LCN15: variants seen among roughly 807,000 people sequenced by gnomAD.
The protein encoded by LCN15 is lipocalin-15.
LCN15 carries 26 observed loss-of-function variants against 23.1 expected under a neutral mutation model. That is an observed-to-expected ratio of 1.13 (90% confidence interval 0.82 to 1.56). The LOEUF (loss-of-function observed/expected upper bound fraction) is 1.56, where lower values mean the gene tolerates loss of function less well. LCN15 is among the 40% of genes most tolerant of loss of function. The pLI is 0.00. For synonymous variants in LCN15, 107 were observed against 98.3 expected (o/e 1.09, Z -0.52); for missense variants, 241 against 239.5 (o/e 1.01, Z -0.04).
intron 4 of LCN15, 101 bp from the exon 5 acceptor site, chr9:136,762,390 G>A (rs532663629): frequency 5.2e-5 from 38 of 730,174 alleles, no homozygotes; most frequent in East Asian, 4.9e-4. Context: ...CAGCAAGGCC[G>A]CCACCCTGGG....
In LCN15 at chr9:136,763,680, A is replaced by G. The variant is rs371038549; in HGVS notation, c.307+33T>C. ...CGTCACCCCCAGAGAAGCGGCATCC[A>G]GCACCCCTGAAGGCAGAGGAGGCAG... On this transcript the variant is annotated intron_variant, in intron 3 of 6. Transcript: ENST00000316144. 41 of 1,608,154 alleles carry G rather than the reference A, an allele frequency of 2.5e-5. No individual in the cohort carries two copies. In the African/African-American group the frequency reaches 5.5e-4, roughly 21 times the overall value.
At chr9:136,760,376 G>A (rs980132192) in intron 6 of LCN15, among the ~76,000 whole-genome samples, 9 of 118,932 alleles carry the variant, frequency 7.6e-5, no homozygotes, top group Non-Finnish European at 1.8e-4. Flanking sequence ...CAGGCAGGAC[G>A]GCGAGTCTCC....
chr9:136,764,270 A>G (rs72772791), intron 1 of LCN15, 123 bp downstream of exon 1: 12,304 of 977,844 alleles, frequency 0.013, 119 homozygotes, highest in Non-Finnish European at 0.015. Flanking sequence ...GAGTGGGTCT[A>G]TAGCACGTGC....
rs1323901912 is a variant in LCN15 at position 136,763,470 on chromosome 9, G to A, written c.308-3C>T. ...GCGCACGTCCAGGTAGCCCAAGGCT[G>A]CGGAGAGGCAGGCGGCCTTTTCAGG... is the stretch of plus-strand genomic sequence containing the variant. On this transcript the variant is annotated splice_polypyrimidine_tract_variant and splice_region_variant and intron_variant, in intron 3 of 6. Coordinates refer to ENST00000316144, the MANE Select transcript of LCN15 (RefSeq NM_203347.2). 1.3e-6 allele frequency: 2 copies of A among 1,594,546 alleles called. No individual in the cohort carries two copies. The highest frequency in any genetic ancestry group is 2.7e-5 in the African/African-American group (2 of 74,466).
chr9:136,763,309 TG>T, intron 4 of LCN15, 47 bp downstream of exon 4: 1 of 839,596 alleles, frequency 1.2e-6, no homozygotes, highest in Non-Finnish European at 1.6e-6. Flanking sequence ...GCGGGGCCTG[TG>T]GGAAGTTGGG....
intron 1 of LCN15, 56 bp from the exon 2 acceptor site, chr9:136,764,065 G>T (rs554080603): frequency 2.5e-6 from 4 of 1,592,600 alleles, no homozygotes; most frequent in Admixed American, 3.4e-5. Context: ...GGCCCTCCTT[G>T]CCCAGGGACC....
At chr9:136,764,069 A>G (rs1438779901) in intron 1 of LCN15, 60 bp from the exon 2 acceptor site, 5 of 1,587,362 alleles carry the variant, frequency 3.1e-6, no homozygotes, top group East Asian at 2.2e-5. Context: ...CTCCTTGCCC[A>G]GGGACCCAGG....
At chr9:136,760,571 A>T (rs1474304395) in intron 6 of LCN15, among the ~76,000 whole-genome samples, 3 of 152,190 alleles carry the variant, frequency 2.0e-5, no homozygotes, top group Non-Finnish European at 1.5e-5. Context: ...CAGACACGTG[A>T]CGTGTGGCTG....
chr9:136,760,395 G>GA (rs1253228385), intron 6 of LCN15, among the ~76,000 whole-genome samples: 2 of 152,200 alleles, frequency 1.3e-5, no homozygotes, highest in Non-Finnish European at 2.9e-5. Context: ...CCAGGGAGAG[G>GA]GTCCTGGGAG....
At chr9:136,762,684 G>A (rs1030694922) in intron 4 of LCN15, among the ~76,000 whole-genome samples, 1 of 152,146 alleles carries the variant, frequency 6.6e-6, no homozygotes, top group Admixed American at 6.5e-5. Flanking sequence ...GACGGATCAC[G>A]AGGTCAGGAG....
intron 2 of LCN15, 26 bp downstream of exon 2, chr9:136,763,844 C>T: frequency 1.2e-6 from 2 of 1,613,256 alleles, no homozygotes; most frequent in East Asian, 2.2e-5. Flanking sequence ...CAGCCCAGCC[C>T]AGGCAGCCCA....
chr9:136,761,029 G>C lies in LCN15; in HGVS notation c.*32+758C>G, dbSNP rs545765054. On this transcript the variant is annotated intron_variant, in intron 6 of 6. Coordinates refer to ENST00000316144, the MANE Select transcript of LCN15 (RefSeq NM_203347.2). This position sits in a 1 kb window ranked among gnomAD's most constrained non-coding sequence, Gnocchi z 4.2. ...TCGCTTCGGCAGCACAGACACTAGG[G>C]GGCAGTTTGGACACAGATGCACAGA... Among the ~76,000 whole-genome samples the C allele has an allele frequency of 6.6e-6, 1 of 152,350 alleles. No homozygotes were observed. The highest frequency in any genetic ancestry group is 2.1e-4 in the South Asian group (1 of 4,826).
At chr9:136,764,154 A>C in intron 1 of LCN15, 145 bp from the exon 2 acceptor site, 8 of 1,030,888 alleles carry the variant, frequency 7.8e-6, no homozygotes, top group Non-Finnish European at 1.1e-5. Context: ...CCAGGTGGAC[A>C]GGAACTCATC....
intron 6 of LCN15, among the ~76,000 whole-genome samples, chr9:136,760,675 G>A (rs1029228142): frequency 1.3e-5 from 2 of 152,260 alleles, no homozygotes; most frequent in South Asian, 2.1e-4. Flanking sequence ...CCGCCCGCAC[G>A]TGGCTCCTGT....
At position 136,761,797 on chromosome 9, in the gene LCN15, C is replaced by A; in HGVS notation, c.*22G>T. 1 of 1,248,094 alleles carries A rather than the reference C, an allele frequency of 8.0e-7. No homozygotes were observed. The allele number at this position is 1,248,094 out of a possible 1,614,324, so 77.3% of individuals were successfully genotyped here. On this transcript the variant is annotated 3_prime_UTR_variant, in exon 6 of 7. Coordinates refer to ENST00000316144, the MANE Select transcript of LCN15 (RefSeq NM_203347.2). This position sits in a 1 kb window ranked among gnomAD's most constrained non-coding sequence, Gnocchi z 4.2. ...GCCTGGAGAACCCACCTGGGAAGGG[C>A]GGGGGTGGGGCTCCGGAGGTGTCAG... is the stretch of plus-strand genomic sequence containing the variant.
chr9:136,762,295 C>T lies in LCN15; in HGVS notation c.419-6G>A, dbSNP rs767595648. ...ACTCACATCCTGGGTCCGGCCTGGG[C>T]AGAGCAGAGGTCACTGTGAACTCAG... is the stretch of plus-strand genomic sequence containing the variant. On this transcript the variant is annotated splice_polypyrimidine_tract_variant and splice_region_variant and intron_variant, in intron 4 of 6. Coordinates refer to ENST00000316144, the MANE Select transcript of LCN15 (RefSeq NM_203347.2). The T allele has an allele frequency of 2.6e-6, 4 of 1,529,440 alleles. No homozygotes were observed. The South Asian group carries it at 4.7e-5, about 18-fold the overall frequency. 94.7% of individuals were successfully genotyped at this position (1,529,440 alleles called of 1,614,324 possible). A position where few individuals can be genotyped will look rare whatever the true frequency, so the allele number is the denominator to read the frequency against.
chr9:136,763,291 A>G (rs2131100367), intron 4 of LCN15, 66 bp downstream of exon 4: 1 of 709,240 alleles, frequency 1.4e-6, no homozygotes, highest in Non-Finnish European at 2.0e-6. Flanking sequence ...GGGTAGGCAG[A>G]ACGGGGGGCG....
rs1159543653 is a variant in LCN15 at position 136,759,742 on chromosome 9, T to C, written c.*74A>G. On this transcript the variant is annotated 3_prime_UTR_variant, in exon 7 of 7. Coordinates refer to ENST00000316144, the MANE Select transcript of LCN15 (RefSeq NM_203347.2). ...CCAGGTGGTCCCCGAGGGCTGTGGG[T>C]CTTGACTCCAGGGGCAAAGGCGCCT... 1 of 151,872 alleles carries C rather than the reference T, an allele frequency of 6.6e-6. No individual in the cohort carries two copies. Among genetic ancestry groups the C allele is most frequent in the Non-Finnish European group, 1.5e-5 (1 of 67,980 alleles). The allele number at this position is 151,872 out of a possible 1,614,324, so 9.4% of individuals were successfully genotyped here.
chr9:136,761,903 G>A lies in LCN15; in HGVS notation c.521-50C>T, dbSNP rs1184582823. The A allele has an allele frequency of 2.2e-5, 29 of 1,303,854 alleles. No homozygotes were observed. The highest frequency in any genetic ancestry group is 1.6e-4 in the Admixed American group (4 of 24,600). The allele number at this position is 1,303,854 out of a possible 1,614,324, so 80.8% of individuals were successfully genotyped here. A position where few individuals can be genotyped will look rare whatever the true frequency, so the allele number is the denominator to read the frequency against. On this transcript the variant is annotated intron_variant, in intron 5 of 6. Transcript: ENST00000316144. The surrounding 1 kb of genome is among the most constrained non-coding windows in gnomAD (Gnocchi z 4.2). Reference sequence around the variant, plus strand: ...GATGCTGACGGCCAGGACCGCCCTCGCTTCCCGCAGCCCCCAACCCCTGGG... The same window carrying A: ...GATGCTGACGGCCAGGACCGCCCTCACTTCCCGCAGCCCCCAACCCCTGGG...
Sources: allele counts gnomAD v4.1 joint callset (sites outside exome capture counted in the v4.1 genomes callset), GRCh38; gene constraint gnomAD v4.1.1; non-coding constraint Gnocchi (gnomAD v3.1); transcripts MANE v1.5; gene names NCBI Gene and HGNC (gene_info 2026-07-23, HGNC 2026-07-21).